ALAS1: variants seen among roughly 807,000 people sequenced by gnomAD.
ALAS1 encodes the protein 5'-aminolevulinate synthase 1.
A neutral mutation model predicts 59.6 loss-of-function variants in ALAS1; 29 were observed. The ratio of observed to expected loss-of-function variants is 0.49; its 90% confidence interval spans 0.36 to 0.66. ALAS1 has a LOEUF of 0.66. ALAS1 is among the 30% of genes least tolerant of loss of function. The pLI, the probability that ALAS1 is intolerant of heterozygous loss-of-function variation, is 0.00. For missense variants in ALAS1, 690 were observed against 807.5 expected (o/e 0.85, Z 1.76); for synonymous variants, 299 against 296.6 (o/e 1.01, Z -0.08).
chr3:52,202,724 C>A lies in ALAS1; in HGVS notation c.417C>A (p.Ala139=). ...AGGAGGATGTGCAGGAAATGAATGC[C>A]GTGAGGAAAGGTAAGAGATGAGTTG... ...ELQEDVQEMN[A]VRKEVAETSA... Residue 139 remains alanine (A), a synonymous_variant, in exon 4 of 12, where the codon GCC becomes GCA. Coordinates refer to ENST00000484952, the MANE Select transcript of ALAS1 (RefSeq NM_000688.6). 6.2e-7 allele frequency: 1 copy of A among 1,613,788 alleles called. No individual in the cohort carries two copies.
At chr3:52,210,679 T>G (rs536858916) in intron 9 of ALAS1, among the ~76,000 whole-genome samples, 1 of 152,020 alleles carries the variant, frequency 6.6e-6, no homozygotes, top group East Asian at 1.9e-4. Flanking sequence ...CTTGGGAGGC[T>G]GAGGCGGAAG....
intron 11 of ALAS1, among the ~76,000 whole-genome samples, chr3:52,212,688 C>T (rs62257576): frequency 2.8e-4 from 43 of 152,168 alleles, no homozygotes; most frequent in Non-Finnish European, 3.7e-4. Context: ...TGCGCCACCA[C>T]GCCTGGCTGA....
Position 52,200,807 on chromosome 3 carries a change from A to G in ALAS1, c.199+1367A>G, listed in dbSNP as rs181177787. 5.6e-3 allele frequency among the ~76,000 whole-genome samples: 849 copies of G among 152,302 alleles called. 6 individuals carry two copies. Among genetic ancestry groups the G allele is most frequent in the Middle Eastern group, 0.01 (3 of 294 alleles). On this transcript the variant is annotated intron_variant, in intron 3 of 11. Transcript: ENST00000484952. ...GAGAGAACAAAGCTTTTCAGGTTCC[A>G]CTTAATCCCAGAGAATATTTTACAG...
At chr3:52,198,102 A>C (rs755659893), upstream of ALAS1, 269 of 397,968 alleles carry the variant, frequency 6.8e-4, no homozygotes, top group Middle Eastern at 5.0e-3. Flanking sequence ...GCAGCGCCCA[A>C]GGCGCATGCG....
rs1577976324 is a variant in ALAS1 at position 52,214,313 on chromosome 3, C to G, written c.*133C>G. 1.1e-6 allele frequency: 1 copy of G among 896,678 alleles called. No individual in the cohort carries two copies. The highest frequency in any genetic ancestry group is 2.8e-5 in the East Asian group (1 of 36,236). The allele number at this position is 896,678 out of a possible 1,614,324, so 55.5% of individuals were successfully genotyped here. ...AAAAACATAGTCCTGGAAATAAATT[C>G]TTGCTTAAATGGTGGTTCTTTCTGC... On this transcript the variant is annotated 3_prime_UTR_variant, in exon 12 of 12. Coordinates refer to ENST00000484952, the MANE Select transcript of ALAS1 (RefSeq NM_000688.6).
In ALAS1 at chr3:52,204,001, A is replaced by C. The variant is rs896843461; in HGVS notation, c.566A>C (p.Asn189Thr). 6.2e-7 allele frequency: 1 copy of C among 1,604,888 alleles called. No individual in the cohort carries two copies. Among genetic ancestry groups the C allele is most frequent in the Non-Finnish European group, 8.5e-7 (1 of 1,176,098 alleles). The change falls in exon 5 of 12, where the codon AAC (asparagine) becomes ACC (threonine). Residue 189 changes from asparagine (N) to threonine (T), a missense_variant. Transcript: ENST00000484952. ...AGAGTGTCTCATCTTCTTCAAGATA[A>C]CTTGCCAAAATGTAAGTCTCATTGT... ...PERVSHLLQD[N>T]LPKSVSTFQY...
In ALAS1 at chr3:52,205,801, G is replaced by A. The variant is rs186692227; in HGVS notation, c.801-38G>A. On this transcript the variant is annotated intron_variant, in intron 6 of 11. Coordinates refer to ENST00000484952, the MANE Select transcript of ALAS1 (RefSeq NM_000688.6). Reference sequence around the variant, plus strand: ...AAATTCACATGGTGTTGAGAACCATGAGCTTTATTTTCTGGTTTTGTTTGT... The same window carrying A: ...AAATTCACATGGTGTTGAGAACCATAAGCTTTATTTTCTGGTTTTGTTTGT... 391 of 1,575,774 alleles carry A rather than the reference G, an allele frequency of 2.5e-4. 2 individuals carry two copies. In the African/African-American group the frequency reaches 4.3e-3, roughly 17 times the overall value.
At chr3:52,201,812 G>A (rs904244002) in intron 3 of ALAS1, among the ~76,000 whole-genome samples, 6 of 152,238 alleles carry the variant, frequency 3.9e-5, no homozygotes, top group East Asian at 1.9e-4. Context: ...AATATTTCCC[G>A]TTACCTTACA....
rs1001850185 is a variant in ALAS1, at chr3:52,204,765, G to A, written c.650G>A (p.Arg217Gln). 2 of 1,613,984 alleles carry A rather than the reference G, an allele frequency of 1.2e-6. No homozygotes were observed. Among genetic ancestry groups the A allele is most frequent in the Non-Finnish European group, 1.7e-6 (2 of 1,180,022 alleles). Residue 217 changes from arginine (R) to glutamine (Q), a missense_variant, in exon 6 of 12, where the codon CGA becomes CAA. Physicochemically the swap from Arg to Gln is conservative, Grantham distance 43. Coordinates refer to ENST00000484952, the MANE Select transcript of ALAS1 (RefSeq NM_000688.6). ...GAGAAAAAGAATGACCACACCTATCGAGTTTTTAAAACTGTGAACCGGCGA... is the reference window on the plus strand; with the variant it reads ...GAGAAAAAGAATGACCACACCTATCAAGTTTTTAAAACTGTGAACCGGCGA... ...IDEKKNDHTY[R>Q]VFKTVNRRAH...
intron 9 of ALAS1, 22 bp from the exon 10 acceptor site, chr3:52,211,258 AATT>A (rs753188556): frequency 9.9e-5 from 159 of 1,607,144 alleles, no homozygotes; most frequent in Non-Finnish European, 1.2e-4. Flanking sequence ...CTGTTGCTGT[AATT>A]AATGAAGCTA....
At chr3:52,210,061 C>T (rs1699374095) in intron 9 of ALAS1, among the ~76,000 whole-genome samples, 1 of 152,178 alleles carries the variant, frequency 6.6e-6, no homozygotes, top group African/African-American at 2.4e-5. Context: ...AAGTCTGGCC[C>T]TAAATCAATC....
chr3:52,212,571 G>C, intron 11 of ALAS1, 151 bp downstream of exon 11: 1 of 1,005,758 alleles, frequency 9.9e-7, no homozygotes, highest in Non-Finnish European at 1.5e-6. Flanking sequence ...CGCTCTTGTT[G>C]CCCAGGCTGG....
At chr3:52,198,143 C>T, upstream of ALAS1, 1 of 398,408 alleles carries the variant, frequency 2.5e-6, no homozygotes, top group Non-Finnish European at 4.4e-6. Context: ...TATTAAGGCG[C>T]CGGCGATCGC....
At chr3:52,212,443 G>C (rs753485350) in intron 11 of ALAS1, 23 bp downstream of exon 11, 8 of 1,613,530 alleles carry the variant, frequency 5.0e-6, no homozygotes, top group Non-Finnish European at 6.8e-6. Context: ...GGAGCTGCTG[G>C]TGCCTCACTG....
chr3:52,198,490 CATACCCCT>C (rs1312659378), intron 1 of ALAS1, among the ~76,000 whole-genome samples, 174 bp from the exon 2 acceptor site: 1 of 152,218 alleles, frequency 6.6e-6, no homozygotes, highest in Non-Finnish European at 1.5e-5. Context: ...ATTCCCTTCT[CATACCCCT>C]CCCGTCATTC....
intron 10 of ALAS1, among the ~76,000 whole-genome samples, chr3:52,211,824 A>G (rs1699416502): frequency 6.6e-6 from 1 of 152,192 alleles, no homozygotes; most frequent in African/African-American, 2.4e-5. Context: ...AAAGCTCCAG[A>G]AGCCTGAGCT....
At chr3:52,199,636 G>T (rs1248853286) in intron 3 of ALAS1, among the ~76,000 whole-genome samples, 196 bp downstream of exon 3, 1 of 152,154 alleles carries the variant, frequency 6.6e-6, no homozygotes, top group Non-Finnish European at 1.5e-5. Flanking sequence ...CATCTTTAAA[G>T]GTGAAACAGT....
chr3:52,210,535 A>G (rs1699384019), intron 9 of ALAS1, among the ~76,000 whole-genome samples: 1 of 152,166 alleles, frequency 6.6e-6, no homozygotes, highest in Non-Finnish European at 1.5e-5. Context: ...GCACTTTGGG[A>G]GGCTGAGACA....
chr3:52,198,297 C>A (rs909310151), intron 1 of ALAS1, 42 bp downstream of exon 1: 6 of 405,450 alleles, frequency 1.5e-5, no homozygotes, highest in Non-Finnish European at 2.6e-5. Flanking sequence ...CCGAGGAAGC[C>A]CCGGGGTGTC....
Sources: gnomAD v4.1 joint callset for allele counts (sites outside exome capture counted in the v4.1 genomes callset) on GRCh38, gnomAD v4.1.1 for gene constraint, MANE v1.5 for transcripts, NCBI Gene and HGNC (gene_info 2026-07-23, HGNC 2026-07-21) for gene names.